MGAT4C: variants seen among roughly 807,000 people sequenced by gnomAD.
The protein encoded by MGAT4C is alpha-1,3-mannosyl-glycoprotein 4-beta-N-acetylglucosaminyltransferase C.
MGAT4C carries 19 observed loss-of-function variants against 40.1 expected under a neutral mutation model. The observed-to-expected ratio is 0.47, with a 90% CI of 0.33 to 0.70. The LOEUF (loss-of-function observed/expected upper bound fraction) is 0.70. Ranked by LOEUF, MGAT4C falls within the 30% of genes least tolerant of loss-of-function variation. The pLI is 0.02. For missense variants in MGAT4C, 491 were observed against 563.2 expected, an observed-to-expected ratio of 0.87 and a Z score of 1.30; for synonymous variants, 181 against 187.1, an observed-to-expected ratio of 0.97 and a Z score of 0.27.
chr12:86,053,053 C>T (rs1185476291), intron 1 of MGAT4C, among the ~76,000 whole-genome samples: 8 of 151,824 alleles, frequency 5.3e-5, no homozygotes, highest in Non-Finnish European at 1.2e-4. Flanking sequence ...CCAAGCAAAG[C>T]GAAAGATCTT....
At chr12:86,605,354 T>C (rs546467750) in intron 2 of MGAT4C, among the ~76,000 whole-genome samples, 3 of 152,054 alleles carry the variant, frequency 2.0e-5, no homozygotes, top group Non-Finnish European at 4.4e-5. Flanking sequence ...TTATGATCAT[T>C]GTTCTTTCAC....
intron 3 of MGAT4C, among the ~76,000 whole-genome samples, chr12:86,404,478 ATTC>A: frequency 6.6e-6 from 1 of 152,264 alleles, no homozygotes; most frequent in East Asian, 1.9e-4. Flanking sequence ...CCCTAAGTAT[ATTC>A]TTATAAGAGG....
intron 2 of MGAT4C, among the ~76,000 whole-genome samples, chr12:86,438,383 G>A (rs951863344): frequency 3.3e-5 from 5 of 151,910 alleles, no homozygotes; most frequent in African/African-American, 1.2e-4. Flanking sequence ...AAGGAATGAT[G>A]CCCTCTGTAT....
chr12:86,712,234 A>G (rs1238319240), intron 2 of MGAT4C, among the ~76,000 whole-genome samples: 3 of 152,276 alleles, frequency 2.0e-5, no homozygotes, highest in Middle Eastern at 3.4e-3. Flanking sequence ...TGGAATGTAT[A>G]CATACAGAAT....
At chr12:86,617,025 TA>T (rs1962473464) in intron 2 of MGAT4C, among the ~76,000 whole-genome samples, 5 of 152,278 alleles carry the variant, frequency 3.3e-5, no homozygotes, top group Admixed American at 3.3e-4. Flanking sequence ...GCAATTAAAA[TA>T]CATTGATTAC....
intron 1 of MGAT4C, among the ~76,000 whole-genome samples, chr12:86,739,360 A>G (rs925815616): frequency 2.7e-5 from 4 of 150,846 alleles, no homozygotes; most frequent in Non-Finnish European, 5.9e-5. Context: ...CAACTTTAAA[A>G]TTTATATATT....
intron 3 of MGAT4C, among the ~76,000 whole-genome samples, chr12:86,384,844 G>A (rs989834778): frequency 1.3e-5 from 2 of 152,036 alleles, no homozygotes; most frequent in South Asian, 2.1e-4. Context: ...CCTCTTTCTT[G>A]CCGTTCATCA....
At chr12:86,766,340 C>G (rs1169911734) in intron 1 of MGAT4C, among the ~76,000 whole-genome samples, 1 of 151,940 alleles carries the variant, frequency 6.6e-6, no homozygotes, top group African/African-American at 2.4e-5. Flanking sequence ...TATATGCACC[C>G]AATACAGGAG....
chr12:86,412,907 G>A (rs904534595), intron 3 of MGAT4C, among the ~76,000 whole-genome samples: 4 of 152,130 alleles, frequency 2.6e-5, no homozygotes, highest in African/African-American at 7.2e-5. Context: ...AGGTTCTCAC[G>A]ATAGTGAGTG....
chr12:86,019,460 T>C (rs1391867982), intron 2 of MGAT4C, among the ~76,000 whole-genome samples: 1 of 152,134 alleles, frequency 6.6e-6, no homozygotes, highest in Non-Finnish European at 1.5e-5. Context: ...TACACAGAGT[T>C]TATCAGAGAG....
At chr12:86,156,278 G>A in intron 1 of MGAT4C, among the ~76,000 whole-genome samples, 1 of 152,134 alleles carries the variant, frequency 6.6e-6, no homozygotes, top group Non-Finnish European at 1.5e-5. Context: ...ATATTAATCT[G>A]AGAGTCACTG....
At chr12:86,125,999 T>C (rs1880190407) in intron 1 of MGAT4C, among the ~76,000 whole-genome samples, 1 of 151,826 alleles carries the variant, frequency 6.6e-6, no homozygotes, top group Admixed American at 6.6e-5. Flanking sequence ...GAAAATATTA[T>C]GTAACACACA....
chr12:86,311,845 C>G (rs1367846108), intron 4 of MGAT4C, among the ~76,000 whole-genome samples: 1 of 152,124 alleles, frequency 6.6e-6, no homozygotes, highest in East Asian at 1.9e-4. Context: ...CAATGCCCCA[C>G]TCCTGTACAG....
chr12:86,450,257 G>A (rs539240165), intron 2 of MGAT4C, among the ~76,000 whole-genome samples: 21 of 152,070 alleles, frequency 1.4e-4, no homozygotes, highest in East Asian at 7.7e-4. Flanking sequence ...GTATTTCACC[G>A]ATGATGAATG....
intron 1 of MGAT4C, among the ~76,000 whole-genome samples, chr12:86,056,904 CT>C (rs1282899905): frequency 6.6e-6 from 1 of 151,866 alleles, no homozygotes; most frequent in Non-Finnish European, 1.5e-5. Flanking sequence ...TGTTTCCTAA[CT>C]TTTTAATGAA....
chr12:86,398,924 G>A (rs1956306811), intron 3 of MGAT4C, among the ~76,000 whole-genome samples: 1 of 152,098 alleles, frequency 6.6e-6, no homozygotes. Flanking sequence ...CCGCTGTCCA[G>A]GCCAGGTATT....
chr12:86,802,673 A>C (rs546466865), intron 1 of MGAT4C, among the ~76,000 whole-genome samples: 28 of 150,406 alleles, frequency 1.9e-4, no homozygotes, highest in African/African-American at 6.1e-4. Flanking sequence ...AATTGCTTCA[A>C]AGAGAATAAA....
intron 2 of MGAT4C, among the ~76,000 whole-genome samples, chr12:86,533,681 A>G (rs905197967): frequency 4.0e-5 from 6 of 151,708 alleles, no homozygotes; most frequent in African/African-American, 1.4e-4. Flanking sequence ...TTACATAATT[A>G]TAACTTTATA....
At chr12:86,307,713 T>C (rs934755461) in intron 4 of MGAT4C, among the ~76,000 whole-genome samples, 1 of 149,228 alleles carries the variant, frequency 6.7e-6, no homozygotes, top group Non-Finnish European at 1.5e-5. Flanking sequence ...TATTTATTTA[T>C]TTTTTTTGAG....
Sources: gnomAD v4.1 joint callset for allele counts (sites outside exome capture counted in the v4.1 genomes callset) on GRCh38, gnomAD v4.1.1 for gene constraint, MANE v1.5 for transcripts, NCBI Gene and HGNC (gene_info 2026-07-23, HGNC 2026-07-21) for gene names.